Variants in KLHL1 observed in about 807,000 individuals in gnomAD.
KLHL1 encodes kelch like family member 1, also known as kelch-like protein 1.
KLHL1 carries 47 observed loss-of-function variants against 77.7 expected under a neutral mutation model. The ratio of observed to expected loss-of-function variants is 0.60; its 90% CI spans 0.48 to 0.77. The LOEUF is 0.77. KLHL1 is among the 30% of genes least tolerant of loss of function. The pLI, the probability that KLHL1 is intolerant of heterozygous loss-of-function variation, is 0.00. For synonymous variants in KLHL1, 360 were observed against 325.2 expected (o/e 1.11, Z -1.15); for missense variants, 925 against 910.8 (o/e 1.02, Z -0.20).
intron 7 of KLHL1, among the ~76,000 whole-genome samples, chr13:69,789,035 CT>C (rs1566255753): frequency 3.3e-5 from 2 of 61,422 alleles, no homozygotes; most frequent in East Asian, 7.4e-4. Context: ...ATCTATCTAT[CT>C]ATCTATCTAT....
intron 1 of KLHL1, among the ~76,000 whole-genome samples, chr13:70,066,668 C>T (rs1053593785): frequency 6.6e-6 from 1 of 152,142 alleles, no homozygotes; most frequent in Non-Finnish European, 1.5e-5. Flanking sequence ...TTCTTCTTAT[C>T]ATTAGAAACT....
intron 7 of KLHL1, among the ~76,000 whole-genome samples, chr13:69,795,413 CTG>C (rs1275497869): frequency 7.9e-5 from 12 of 151,634 alleles, no homozygotes; most frequent in Non-Finnish European, 1.3e-4. Flanking sequence ...CAATTAAACT[CTG>C]TTATCTGTCT....
intron 4 of KLHL1, among the ~76,000 whole-genome samples, chr13:69,937,074 T>C (rs1386235882): frequency 1.3e-5 from 2 of 152,072 alleles, no homozygotes; most frequent in Non-Finnish European, 1.5e-5. Context: ...TGGATAAAAA[T>C]GTTCCACGTG....
chr13:69,749,843 T>C (rs555453377), intron 7 of KLHL1, among the ~76,000 whole-genome samples: 1 of 152,052 alleles, frequency 6.6e-6, no homozygotes, highest in East Asian at 1.9e-4. Flanking sequence ...TTATTTTTCT[T>C]TACACTTGTT....
At chr13:69,787,178 C>T (rs1369777192) in intron 7 of KLHL1, among the ~76,000 whole-genome samples, 1 of 152,042 alleles carries the variant, frequency 6.6e-6, no homozygotes, top group Non-Finnish European at 1.5e-5. Flanking sequence ...TCATATGGAA[C>T]CAAAAAAGAG....
Position 69,974,019 on chromosome 13 carries a change from G to T in KLHL1, c.680+1601C>A, listed in dbSNP as rs79623628. On this transcript the variant is annotated intron_variant, in intron 2 of 10. Coordinates refer to ENST00000377844, the MANE Select transcript of KLHL1 (RefSeq NM_020866.3). ...AGCGTCTTATGAAAACTTTCCCCTG[G>T]TCTTCTTTAGGTGGGTCTCTGAACA... 3.8e-4 allele frequency among the ~76,000 whole-genome samples: 58 copies of T among 151,854 alleles called. No homozygotes were observed. In the East Asian group the frequency reaches 8.1e-3, roughly 21 times the overall value.
chr13:69,884,929 CTTTTCTTTTTTT>C (rs1458397890), intron 4 of KLHL1, among the ~76,000 whole-genome samples: 1 of 23,228 alleles, frequency 4.3e-5, no homozygotes, highest in Non-Finnish European at 2.0e-4. Context: ...AGCACTTTTT[CTTTTCTTTTTTT>C]TTTTTTTTTT....
At chr13:69,940,667 G>C (rs1883336459) in intron 3 of KLHL1, among the ~76,000 whole-genome samples, 1 of 151,564 alleles carries the variant, frequency 6.6e-6, no homozygotes, top group African/African-American at 2.4e-5. Context: ...ATTTATAAAT[G>C]CATATGTTAC....
intron 6 of KLHL1, among the ~76,000 whole-genome samples, chr13:69,829,038 A>G (rs1474227242): frequency 1.3e-5 from 2 of 150,620 alleles, no homozygotes; most frequent in South Asian, 2.1e-4. Flanking sequence ...TGAGAAACCC[A>G]AAGTATACTT....
intron 1 of KLHL1, among the ~76,000 whole-genome samples, chr13:70,082,783 T>G (rs992611110): frequency 6.6e-6 from 1 of 152,112 alleles, no homozygotes; most frequent in African/African-American, 2.4e-5. Context: ...TGGAACACTA[T>G]GCAGCTATAA....
intron 5 of KLHL1, among the ~76,000 whole-genome samples, chr13:69,846,160 T>C (rs1026806428): frequency 6.6e-5 from 10 of 151,570 alleles, no homozygotes; most frequent in South Asian, 2.1e-4. Context: ...TTCTGGTTTA[T>C]GTATATACAA....
intron 1 of KLHL1, among the ~76,000 whole-genome samples, chr13:70,100,289 CAT>C (rs1250996872): frequency 6.6e-6 from 1 of 151,904 alleles, no homozygotes; most frequent in Non-Finnish European, 1.5e-5. Flanking sequence ...AATATTATAA[CAT>C]GTATCATCTT....
At chr13:69,895,122 G>A in intron 4 of KLHL1, 1 of 462,238 alleles carries the variant, frequency 2.2e-6, no homozygotes, top group Non-Finnish European at 4.3e-6. Flanking sequence ...GGTTTCATTT[G>A]TTCCTTATAT....
intron 7 of KLHL1, among the ~76,000 whole-genome samples, chr13:69,753,017 G>T (rs781619259): frequency 2.4e-4 from 37 of 152,212 alleles, no homozygotes; most frequent in Non-Finnish European, 4.6e-4. Flanking sequence ...TGGAGACTTT[G>T]CCTCTAGGAT....
At chr13:69,857,948 A>G (rs1879986331) in intron 5 of KLHL1, among the ~76,000 whole-genome samples, 1 of 152,010 alleles carries the variant, frequency 6.6e-6, no homozygotes, top group African/African-American at 2.4e-5. Flanking sequence ...AATGCTCCGA[A>G]TGAATTACAA....
At chr13:70,001,564 C>T (rs9542153) in intron 1 of KLHL1, among the ~76,000 whole-genome samples, 25,092 of 146,444 alleles carry the variant, frequency 0.17, 2,195 homozygotes, top group Middle Eastern at 0.21. Context: ...ATTGGGATAT[C>T]TATCTATGAT....
intron 7 of KLHL1, among the ~76,000 whole-genome samples, chr13:69,765,988 G>T (rs144008676): frequency 1.4e-4 from 21 of 152,238 alleles, no homozygotes; most frequent in African/African-American, 4.8e-4. Context: ...GATTCAGCTG[G>T]GGAAGAACAT....
At chr13:69,836,411 A>C (rs2138103556) in intron 6 of KLHL1, among the ~76,000 whole-genome samples, 1 of 152,196 alleles carries the variant, frequency 6.6e-6, no homozygotes, top group East Asian at 1.9e-4. Context: ...GCTTATAAAT[A>C]GTTGTAAGGC....
Position 69,796,908 on chromosome 13 carries a change from C to T in KLHL1, c.1469G>A (p.Gly490Glu). The T allele has an allele frequency of 6.2e-7, 1 of 1,614,114 alleles. No homozygotes were observed. The highest frequency in any genetic ancestry group is 1.1e-5 in the South Asian group (1 of 91,078). Residue 490 changes from glycine (G) to glutamate (E), a missense_variant, in exon 7 of 11, where the codon GGG (glycine) becomes GAG (glutamate). Coordinates refer to ENST00000377844, the MANE Select transcript of KLHL1 (RefSeq NM_020866.3). ...CTGCAGCCTTCTGCCATTCATCATC[C>T]CTGCCTGGATCCACAGATTTGTTCT... Reference protein sequence around the residue: ...DLRTNLWIQAGMMNGRRLQFG... With the variant: ...DLRTNLWIQAEMMNGRRLQFG...
Sources: allele counts gnomAD v4.1 joint callset (sites outside exome capture counted in the v4.1 genomes callset), GRCh38; gene constraint gnomAD v4.1.1; transcripts MANE v1.5; gene names NCBI Gene and HGNC (gene_info 2026-07-23, HGNC 2026-07-21).